SLC19A2: variants seen among roughly 807,000 people sequenced by gnomAD.
SLC19A2 encodes thiamine transporter 1.
SLC19A2 carries 27 observed loss-of-function variants against 44.7 expected under a neutral mutation model. The ratio of observed to expected loss-of-function variants is 0.60; its 90% CI spans 0.45 to 0.83. The LOEUF is 0.83. Ranked by LOEUF, SLC19A2 falls within the 40% of genes least tolerant of loss-of-function variation. The pLI, the probability that SLC19A2 is intolerant of heterozygous loss-of-function variation, is 0.00. For missense variants in SLC19A2, 566 were observed against 613.7 expected, an observed-to-expected ratio of 0.92 and a Z score of 0.82; for synonymous variants, 239 against 243.6, an observed-to-expected ratio of 0.98 and a Z score of 0.18.
Position 169,465,474 on chromosome 1 carries a change from A to G in SLC19A2, c.*375T>C. On this transcript the variant is annotated 3_prime_UTR_variant, in exon 6 of 6. Coordinates refer to ENST00000236137, the MANE Select transcript of SLC19A2 (RefSeq NM_006996.3). ...GCCTCTGTGGAGCCCTGGTCCCACC[A>G]GGCCAAGCATCTGGCTAAGTAGATA... 1 of 253,170 alleles carries G rather than the reference A, an allele frequency of 3.9e-6. No individual in the cohort carries two copies. The highest frequency in any genetic ancestry group is 7.7e-6 in the Non-Finnish European group (1 of 129,388). The allele number at this position is 253,170 out of a possible 1,614,324, so 15.7% of individuals were successfully genotyped here.
intron 2 of SLC19A2, among the ~76,000 whole-genome samples, chr1:169,476,725 T>TAAC: frequency 6.6e-6 from 1 of 151,516 alleles, no homozygotes. Context: ...GTCTCAAAAA[T>TAAC]AATAATAATA....
intron 2 of SLC19A2, among the ~76,000 whole-genome samples, chr1:169,471,187 T>A (rs1443792696): frequency 1.3e-5 from 2 of 152,114 alleles, no homozygotes; most frequent in African/African-American, 2.4e-5. Flanking sequence ...AGACTACATG[T>A]AGATCACAAT....
At chr1:169,477,091 GT>G (rs1472959118) in intron 2 of SLC19A2, 63 bp downstream of exon 2, 4 of 1,597,348 alleles carry the variant, frequency 2.5e-6, no homozygotes, top group Non-Finnish European at 2.6e-6. Flanking sequence ...GGAGTTTGCT[GT>G]TTTTTTCACC....
chr1:169,469,071 G>A (rs1479128589), intron 3 of SLC19A2: 8 of 526,842 alleles, frequency 1.5e-5, no homozygotes, highest in Admixed American at 6.7e-5. Flanking sequence ...AGATGAAAAT[G>A]CAGGACAAAG....
At chr1:169,470,241 A>G in intron 2 of SLC19A2, 55 bp from the exon 3 acceptor site, 4 of 1,444,424 alleles carry the variant, frequency 2.8e-6, no homozygotes, top group Non-Finnish European at 3.9e-6. Flanking sequence ...TTATATAGAA[A>G]GCAATTTACA....
At chr1:169,482,918 T>G (rs970162615) in intron 1 of SLC19A2, among the ~76,000 whole-genome samples, 5 of 151,998 alleles carry the variant, frequency 3.3e-5, no homozygotes, top group Admixed American at 1.3e-4. Context: ...GCAAAATAGG[T>G]GGAATGTTTA....
intron 1 of SLC19A2, among the ~76,000 whole-genome samples, chr1:169,481,166 C>T (rs1658435012): frequency 6.6e-6 from 1 of 152,232 alleles, no homozygotes; most frequent in South Asian, 2.1e-4. Flanking sequence ...CTGTGTTACA[C>T]ACCACGCTAA....
intron 4 of SLC19A2, 70 bp from the exon 5 acceptor site, chr1:169,468,322 A>T: frequency 1.5e-6 from 2 of 1,317,230 alleles, no homozygotes; most frequent in Non-Finnish European, 2.1e-6. Flanking sequence ...TATTCTAAAT[A>T]AAAGTAAACA....
rs1421936695 is a variant in SLC19A2 at position 169,485,657 on chromosome 1, A to G, written c.110T>C (p.Leu37Pro). The G allele has an allele frequency of 1.3e-6, 2 of 1,555,186 alleles. No homozygotes were observed. Among genetic ancestry groups the G allele is most frequent in the African/African-American group, 1.4e-5 (1 of 73,304 alleles). Reference protein sequence around the residue: ...RECWFLPTALLCAYGFFASLR... With the variant: ...RECWFLPTALPCAYGFFASLR... ...GCTGGCGAAGAAGCCGTAGGCGCAG[A>G]GCAGCGCGGTCGGCAAGAACCAGCA... Residue 37 changes from leucine (L) to proline (P), a missense_variant, in exon 1 of 6, where the codon CTC (leucine) becomes CCC (proline). Physicochemically the swap from Leu to Pro is moderately conservative, Grantham distance 98. Transcript: ENST00000236137.
At chr1:169,474,643 C>G (rs1658268327) in intron 2 of SLC19A2, among the ~76,000 whole-genome samples, 1 of 152,124 alleles carries the variant, frequency 6.6e-6, no homozygotes, top group East Asian at 1.9e-4. Context: ...GATAAAACCA[C>G]CTACCTACCT....
chr1:169,477,484 A>T lies in SLC19A2; in HGVS notation c.478T>A (p.Tyr160Asn). Residue 160 changes from tyrosine to asparagine, a missense_variant, in exon 2 of 6, where the codon TAC becomes AAC. Coordinates refer to ENST00000236137, the MANE Select transcript of SLC19A2 (RefSeq NM_006996.3). ...CCCACCAAAGTGGCACTTCGACAGT[A>T]ACTTGTGACTTTCTGGTACATGCCC... is the stretch of plus-strand genomic sequence containing the variant. The part of the protein sequence containing the change: ...DLGMYQKVTS[Y>N]CRSATLVGFT... The T allele has an allele frequency of 6.2e-7, 1 of 1,614,210 alleles. No individual in the cohort carries two copies. The highest frequency in any genetic ancestry group is 8.5e-7 in the Non-Finnish European group (1 of 1,180,020).
In SLC19A2 at chr1:169,468,628, G is replaced by A. The variant is rs565882872; in HGVS notation, c.1223+16C>T. 53 of 1,610,368 alleles carry A rather than the reference G, an allele frequency of 3.3e-5. No individual in the cohort carries two copies. Among genetic ancestry groups the A allele is most frequent in the Non-Finnish European group, 4.1e-5 (48 of 1,177,212 alleles). ...TTACAATTTTTCCTAAGGCTTCTAT[G>A]AGCCAAAATACATACGTTGCTATCG... On this transcript the variant is annotated intron_variant, in intron 4 of 5. Coordinates refer to ENST00000236137, the MANE Select transcript of SLC19A2 (RefSeq NM_006996.3).
rs1332669329 is a variant in SLC19A2, at chr1:169,485,890, G to A, written c.-124C>T. On this transcript the variant is annotated 5_prime_UTR_variant, in exon 1 of 6. Coordinates refer to ENST00000236137, the MANE Select transcript of SLC19A2 (RefSeq NM_006996.3). ...CTCCCTGTAAGGCCAGGACGTTCTG[G>A]ACTCGCCGCCGCCTCCGGCTACAGA... 8.7e-7 allele frequency: 1 copy of A among 1,148,358 alleles called. No homozygotes were observed. Among genetic ancestry groups the A allele is most frequent in the Non-Finnish European group, 1.2e-6 (1 of 836,590 alleles). The allele number at this position is 1,148,358 out of a possible 1,614,324, so 71.1% of individuals were successfully genotyped here. A position where few individuals can be genotyped will look rare whatever the true frequency, so the allele number is the denominator to read the frequency against.
chr1:169,471,847 C>T (rs966961925), intron 2 of SLC19A2, among the ~76,000 whole-genome samples: 2 of 151,870 alleles, frequency 1.3e-5, no homozygotes, highest in Admixed American at 6.6e-5. Context: ...ACTGAGAATC[C>T]GAGTTTCATC....
chr1:169,485,433 C>A, intron 1 of SLC19A2, 130 bp downstream of exon 1: 6 of 1,011,386 alleles, frequency 5.9e-6, no homozygotes, highest in Non-Finnish European at 9.0e-6. Context: ...ACGAAGCCGA[C>A]CTCCAACTGG....
chr1:169,484,896 A>G (rs933846677), intron 1 of SLC19A2, among the ~76,000 whole-genome samples: 6 of 152,234 alleles, frequency 3.9e-5, no homozygotes, highest in African/African-American at 1.4e-4. Flanking sequence ...TCGCAATACA[A>G]GAAACACTAT....
chr1:169,468,229 C>T lies in SLC19A2; in HGVS notation c.1247G>A (p.Ser416Asn). The change falls in exon 5 of 6, where the codon AGC (serine) becomes AAC (asparagine). Residue 416 changes from serine (S) to asparagine (N), a missense_variant. Ser to Asn is a conservative substitution (Grantham distance 46). Transcript: ENST00000236137. Reference sequence around the variant, plus strand: ...AAATACTAGGGCATAGCGTTCCATGCTGAGGTTTGCAGCAATTTGAAAACT... The same window carrying T: ...AAATACTAGGGCATAGCGTTCCATGTTGAGGTTTGCAGCAATTTGAAAACT... ...IATFQIAANLSMERYALVFGV... is the reference protein window; with the variant it reads ...IATFQIAANLNMERYALVFGV... 1 of 1,613,590 alleles carries T rather than the reference C, an allele frequency of 6.2e-7. No homozygotes were observed. The highest frequency in any genetic ancestry group is 8.5e-7 in the Non-Finnish European group (1 of 1,179,752).
chr1:169,485,573 G>A lies in SLC19A2; in HGVS notation c.194C>T (p.Thr65Ile), dbSNP rs1224877258. ...PYLLGPDKNLTEREVFNEIYP... is the reference protein window; with the variant it reads ...PYLLGPDKNLIEREVFNEIYP... ...GTCCGCCGCGCGTACCTCCCTCTCG[G>A]TCAGGTTCTTGTCCGGCCCCAGCAG... The change falls in exon 1 of 6, where the codon ACC becomes ATC. Residue 65 changes from threonine (T) to isoleucine (I), a missense_variant. Thr to Ile is a moderately conservative substitution (Grantham distance 89). Coordinates refer to ENST00000236137, the MANE Select transcript of SLC19A2 (RefSeq NM_006996.3). The A allele has an allele frequency of 1.3e-6, 2 of 1,586,134 alleles. No homozygotes were observed. Among genetic ancestry groups the A allele is most frequent in the Non-Finnish European group, 1.7e-6 (2 of 1,166,482 alleles).
At chr1:169,473,555 A>C (rs967938458) in intron 2 of SLC19A2, among the ~76,000 whole-genome samples, 1 of 151,946 alleles carries the variant, frequency 6.6e-6, no homozygotes, top group African/African-American at 2.4e-5. Context: ...CTGAGTTGGA[A>C]AGTTTTAAAG....
Sources: gnomAD v4.1 joint callset for allele counts (sites outside exome capture counted in the v4.1 genomes callset) on GRCh38, gnomAD v4.1.1 for gene constraint, MANE v1.5 for transcripts, NCBI Gene and HGNC (gene_info 2026-07-23, HGNC 2026-07-21) for gene names.